Variants in TBX18 observed in about 807,000 individuals in gnomAD.
The protein encoded by TBX18 is T-box transcription factor 18.
Under a neutral mutation model 55.0 loss-of-function variants are expected in TBX18, and 21 were observed. The ratio of observed to expected loss-of-function variants is 0.38; its 90% CI spans 0.27 to 0.55. The LOEUF (loss-of-function observed/expected upper bound fraction) is 0.55. Ranked by LOEUF, TBX18 falls within the 20% of genes least tolerant of loss-of-function variation. The pLI is 0.73. For missense variants in TBX18, 840 were observed against 799.6 expected (o/e 1.05, Z -0.61); for synonymous variants, 342 against 326.1 (o/e 1.05, Z -0.53).
chr6:84,738,436 G>C, intron 7 of TBX18, 61 bp downstream of exon 7: 1 of 1,234,382 alleles, frequency 8.1e-7, no homozygotes, highest in Non-Finnish European at 1.2e-6. Flanking sequence ...TACACTTTTA[G>C]TGCCTGAGTT....
chr6:84,763,677 G>C (rs528797665), intron 1 of TBX18, among the ~76,000 whole-genome samples: 32 of 152,208 alleles, frequency 2.1e-4, no homozygotes, highest in Admixed American at 2.1e-3. Context: ...CCGAGTGGGC[G>C]GCGGCCGCCC....
At chr6:84,746,673 CA>C (rs1177445793) in intron 5 of TBX18, among the ~76,000 whole-genome samples, 2 of 146,674 alleles carry the variant, frequency 1.4e-5, no homozygotes, top group Non-Finnish European at 3.0e-5. Context: ...ACACATATTA[CA>C]TATGTTATAT....
intron 4 of TBX18, among the ~76,000 whole-genome samples, chr6:84,754,421 C>T (rs1044475506): frequency 2.0e-5 from 3 of 152,200 alleles, no homozygotes; most frequent in African/African-American, 7.2e-5. Flanking sequence ...ACATCTCTCT[C>T]CCTGCTCCCC....
chr6:84,746,639 T>C (rs1426621232), intron 5 of TBX18, among the ~76,000 whole-genome samples: 3 of 147,180 alleles, frequency 2.0e-5, no homozygotes, highest in Non-Finnish European at 4.5e-5. Context: ...AAATTATAAA[T>C]ACATTATAAT....
At position 84,740,302 on chromosome 6, in the gene TBX18, C is replaced by T. The variant is rs150844396; in HGVS notation, c.1005-1711G>A. Among the ~76,000 whole-genome samples, 604 of 152,220 alleles carry T rather than the reference C, an allele frequency of 4.0e-3. 3 individuals are homozygous for T. Among genetic ancestry groups the T allele is most frequent in the African/African-American group, 0.011 (455 of 41,526 alleles). ...CTAGATTGGGGTCAGAAAGACTGCA[C>T]TGGCACTGCAACTCACTAAAACTCA... On this transcript the variant is annotated intron_variant, in intron 6 of 7. Transcript: ENST00000369663.
intron 6 of TBX18, chr6:84,742,057 T>C (rs1227343666): frequency 6.6e-6 from 1 of 152,172 alleles, no homozygotes; most frequent in Admixed American, 6.6e-5. Context: ...TTGTCTATAA[T>C]AAGCAAGAGA....
intron 3 of TBX18, among the ~76,000 whole-genome samples, chr6:84,759,484 A>C (rs1254981659): frequency 6.6e-6 from 1 of 152,140 alleles, no homozygotes; most frequent in East Asian, 1.9e-4. Context: ...TTTAAATGTT[A>C]ATGTTTTTAG....
rs374437053 is a variant in TBX18, at chr6:84,756,832, T to G, written c.637A>C (p.Asn213His). ...CGGGGTGGCACAGGCGAGTCAGCATTACCTGCCACCATCCATTTCGAACTG... is the reference window on the plus strand; with the variant it reads ...CGGGGTGGCACAGGCGAGTCAGCATGACCTGCCACCATCCATTTCGAACTG... ...YHSSKWMVAG[N>H]ADSPVPPRVY... Residue 213 changes from asparagine (N) to histidine (H), a missense_variant, in exon 4 of 8, where the codon AAT becomes CAT. Transcript: ENST00000369663. 3 of 1,614,044 alleles carry G rather than the reference T, an allele frequency of 1.9e-6. No homozygotes were observed. In the African/African-American group the frequency reaches 4.0e-5, roughly 22 times the overall value.
chr6:84,762,762 G>A lies in TBX18; in HGVS notation c.293-14C>T. 1 of 1,581,916 alleles carries A rather than the reference G, an allele frequency of 6.3e-7. No homozygotes were observed. The highest frequency in any genetic ancestry group is 8.6e-7 in the Non-Finnish European group (1 of 1,164,550). On this transcript the variant is annotated splice_polypyrimidine_tract_variant and intron_variant, in intron 1 of 7. Coordinates refer to ENST00000369663, the MANE Select transcript of TBX18 (RefSeq NM_001080508.3). ...CCTCACAGCCGCCTGGACAGCAAAGGACAGAGAAAGGGAACTGGTGAGGGA... is the reference window on the plus strand; with the variant it reads ...CCTCACAGCCGCCTGGACAGCAAAGAACAGAGAAAGGGAACTGGTGAGGGA...
Position 84,763,931 on chromosome 6 carries a change from C to A in TBX18, c.251G>T (p.Gly84Val). The A allele has an allele frequency of 1.3e-6, 2 of 1,576,980 alleles. No individual in the cohort carries two copies. Among genetic ancestry groups the A allele is most frequent in the Non-Finnish European group, 1.7e-6 (2 of 1,167,288 alleles). Reference protein sequence around the residue: ...ALPPPAGATSGPARSGADLER... With the variant: ...ALPPPAGATSVPARSGADLER... ...CAGGTCTGCGCCACTCCGAGCCGGC[C>A]CAGACGTCGCCCCAGCCGGCGGCGG... Residue 84 changes from glycine (G) to valine (V), a missense_variant, in exon 1 of 8, where the codon GGG becomes GTG. Coordinates refer to ENST00000369663, the MANE Select transcript of TBX18 (RefSeq NM_001080508.3).
At chr6:84,761,197 T>TGCTTTAAATATCAAAC (rs1256416002) in intron 2 of TBX18, among the ~76,000 whole-genome samples, 110 of 152,340 alleles carry the variant, frequency 7.2e-4, no homozygotes, top group Non-Finnish European at 7.4e-5. Flanking sequence ...TTAAATATCA[T>TGCTTTAAATATCAAAC]TTAATGACTT....
rs1055706049 is a variant in TBX18 at position 84,734,501 on chromosome 6, A to G, written c.*2184T>C. ...ACTTTTTAATAAAATACAGATATAT[A>G]ATTATCAATGTATGCATGTCATTTA... On this transcript the variant is annotated 3_prime_UTR_variant, in exon 8 of 8. Coordinates refer to ENST00000369663, the MANE Select transcript of TBX18 (RefSeq NM_001080508.3). 9.8e-5 allele frequency: 15 copies of G among 152,608 alleles called. No individual in the cohort carries two copies. The highest frequency in any genetic ancestry group is 3.6e-4 in the African/African-American group (15 of 41,442). 9.5% of individuals were successfully genotyped at this position (152,608 alleles called of 1,614,324 possible).
In TBX18 at chr6:84,763,959, G is replaced by A. The variant is rs767696060; in HGVS notation, c.223C>T (p.Leu75Phe). The A allele has an allele frequency of 4.4e-6, 7 of 1,580,172 alleles. No individual in the cohort carries two copies. Among genetic ancestry groups the A allele is most frequent in the African/African-American group, 4.1e-5 (3 of 73,532 alleles). The change falls in exon 1 of 8, where the codon CTC becomes TTC. Residue 75 changes from leucine to phenylalanine, a missense_variant. Leu to Phe is a conservative substitution (Grantham distance 22). Transcript: ENST00000369663. ...GSSEGDEGAA[L>F]PPPAGATSGP... is the part of the protein sequence containing the mutation. The stretch of plus-strand genomic sequence containing the variant: ...GACGTCGCCCCAGCCGGCGGCGGGA[G>A]CGCAGCGCCTTCGTCTCCCTCAGAA...
chr6:84,752,410 G>T (rs1427910442), intron 4 of TBX18, among the ~76,000 whole-genome samples: 2 of 152,166 alleles, frequency 1.3e-5, no homozygotes, highest in Non-Finnish European at 2.9e-5. Context: ...ACATTTTTTG[G>T]TAACACCACG....
chr6:84,757,298 A>G (rs1379927221), intron 3 of TBX18, among the ~76,000 whole-genome samples: 1 of 152,232 alleles, frequency 6.6e-6, no homozygotes, highest in Non-Finnish European at 1.5e-5. Context: ...GCTTCCTTCA[A>G]GATCATTTCT....
chr6:84,752,033 T>C (rs1254843159), intron 4 of TBX18, among the ~76,000 whole-genome samples: 2 of 152,222 alleles, frequency 1.3e-5, no homozygotes, highest in Non-Finnish European at 2.9e-5. Context: ...TTCTATGTGA[T>C]GTGTAATGTT....
chr6:84,754,138 G>A (rs1455574089), intron 4 of TBX18, among the ~76,000 whole-genome samples: 1 of 152,104 alleles, frequency 6.6e-6, no homozygotes, highest in Non-Finnish European at 1.5e-5. Context: ...ATGTTGGCCA[G>A]GCTGGTCTCA....
Position 84,762,620 on chromosome 6 carries a change from C to A in TBX18, c.421G>T (p.Val141Leu). The stretch of plus-strand genomic sequence containing the variant: ...CAGAGCTCGGCTCCCTGCAGATCCA[C>A]CCGCGGGGCCTGCGGCGAGGGCAGA... ...TPLPSPQAPR[V>L]DLQGAELWKR... The change falls in exon 2 of 8, where the codon GTG becomes TTG. Residue 141 changes from valine to leucine, a missense_variant. Val to Leu is a conservative substitution (Grantham distance 32). Coordinates refer to ENST00000369663, the MANE Select transcript of TBX18 (RefSeq NM_001080508.3). 6.2e-7 allele frequency: 1 copy of A among 1,613,094 alleles called. No individual in the cohort carries two copies. The highest frequency in any genetic ancestry group is 8.5e-7 in the Non-Finnish European group (1 of 1,179,626).
intron 2 of TBX18, among the ~76,000 whole-genome samples, chr6:84,762,017 C>G (rs1444648099): frequency 6.6e-6 from 1 of 152,088 alleles, no homozygotes; most frequent in Non-Finnish European, 1.5e-5. Context: ...TCCTCCTAGT[C>G]TAATATGAAA....
Sources: allele counts gnomAD v4.1 joint callset (sites outside exome capture counted in the v4.1 genomes callset), GRCh38; gene constraint gnomAD v4.1.1; transcripts MANE v1.5; gene names NCBI Gene and HGNC (gene_info 2026-07-23, HGNC 2026-07-21).